HIP1: variants seen among roughly 807,000 people sequenced by gnomAD.
HIP1 encodes huntingtin interacting protein 1.
Under a neutral mutation model 147.6 loss-of-function variants are expected in HIP1, and 65 were observed. That is an observed-to-expected ratio of 0.44 (90% CI 0.36 to 0.54). The LOEUF is 0.54. Among genes scored for constraint, HIP1 ranks in the 20% least tolerant of loss-of-function variants. The probability of loss-of-function intolerance (pLI) is 0.00; values close to 1 mark genes in which losing one functional copy is unlikely to be tolerated. For synonymous variants in HIP1, 479 were observed against 504.0 expected (o/e 0.95, Z 0.67); for missense variants, 1,061 against 1,299.6 (o/e 0.82, Z 2.82).
intron 1 of HIP1, among the ~76,000 whole-genome samples, chr7:75,665,154 C>T (rs1554514487): frequency 6.6e-6 from 1 of 151,930 alleles, no homozygotes; most frequent in African/African-American, 2.4e-5. Flanking sequence ...CCCAGCTAGT[C>T]AGGGGGTTGA....
At chr7:75,686,344 G>T (rs1285385177) in intron 1 of HIP1, among the ~76,000 whole-genome samples, 1 of 151,434 alleles carries the variant, frequency 6.6e-6, no homozygotes, top group Admixed American at 6.6e-5. Context: ...TATTTTTTTT[G>T]AAAAGTTTAA....
intron 1 of HIP1, among the ~76,000 whole-genome samples, chr7:75,696,446 T>A (rs1800635700): frequency 6.6e-6 from 1 of 151,984 alleles, no homozygotes. Flanking sequence ...TCTGCTACTT[T>A]AGCTAAAGCC....
chr7:75,544,835 G>T (rs782490010), intron 26 of HIP1, 35 bp from the exon 27 acceptor site: 71 of 1,332,500 alleles, frequency 5.3e-5, no homozygotes, highest in Non-Finnish European at 7.7e-5. Flanking sequence ...TAGGTTACGG[G>T]CAAATGAGCT....
At chr7:75,709,885 G>A (rs1235893134) in intron 1 of HIP1, among the ~76,000 whole-genome samples, 2 of 151,622 alleles carry the variant, frequency 1.3e-5, no homozygotes, top group African/African-American at 4.8e-5. Context: ...GTGTTTTTTT[G>A]TTTCTTTGTT....
At chr7:75,643,633 A>G (rs1331928795) in intron 1 of HIP1, among the ~76,000 whole-genome samples, 2 of 152,228 alleles carry the variant, frequency 1.3e-5, no homozygotes, top group African/African-American at 2.4e-5. Flanking sequence ...CTTTGCCTAC[A>G]GTGTTTTAAT....
intron 1 of HIP1, chr7:75,639,140 G>A (rs1798551654): frequency 1.0e-6 from 1 of 984,042 alleles, no homozygotes; most frequent in South Asian, 4.7e-5. Context: ...GGCTAATCGC[G>A]CCCCGAGGGT....
intron 1 of HIP1, among the ~76,000 whole-genome samples, chr7:75,602,750 T>C (rs1356352975): frequency 6.6e-6 from 1 of 151,866 alleles, no homozygotes; most frequent in African/African-American, 2.4e-5. Flanking sequence ...ATAACCTCTG[T>C]TGTAAGTTGA....
At chr7:75,690,428 C>G (rs782508424) in intron 1 of HIP1, among the ~76,000 whole-genome samples, 3 of 152,178 alleles carry the variant, frequency 2.0e-5, no homozygotes, top group Non-Finnish European at 4.4e-5. Flanking sequence ...CCATTTCACA[C>G]TCACTAGGAT....
intron 23 of HIP1, among the ~76,000 whole-genome samples, chr7:75,548,580 A>G (rs966442365): frequency 2.0e-5 from 3 of 151,966 alleles, no homozygotes; most frequent in African/African-American, 7.2e-5. Context: ...CCTGGGCTCA[A>G]GTGATCCTCC....
intron 30 of HIP1, among the ~76,000 whole-genome samples, chr7:75,538,635 C>T (rs1028492030): frequency 7.7e-5 from 11 of 142,566 alleles, no homozygotes; most frequent in East Asian, 4.1e-4. Context: ...AGTGCAGTGG[C>T]GCGATCTCGG....
intron 1 of HIP1, among the ~76,000 whole-genome samples, chr7:75,616,860 G>A (rs1285104616): frequency 6.6e-6 from 1 of 152,168 alleles, no homozygotes; most frequent in Non-Finnish European, 1.5e-5. Flanking sequence ...GTCAGGCACA[G>A]TGATTGATCT....
intron 7 of HIP1, among the ~76,000 whole-genome samples, chr7:75,575,899 G>A (rs1002475732): frequency 1.3e-5 from 2 of 151,672 alleles, no homozygotes; most frequent in Non-Finnish European, 2.9e-5. Context: ...TGGTAACTGG[G>A]TTAGTCTGGC....
intron 5 of HIP1, among the ~76,000 whole-genome samples, chr7:75,583,759 TGTGTGTG>T (rs2116932769): frequency 3.2e-5 from 1 of 31,010 alleles, no homozygotes; most frequent in Non-Finnish European, 8.5e-5. Context: ...GGCTAATTTG[TGTGTGTG>T]TGTGTGTGTG....
At chr7:75,593,175 C>T (rs587740926) in intron 2 of HIP1, among the ~76,000 whole-genome samples, 1 of 152,184 alleles carries the variant, frequency 6.6e-6, no homozygotes, top group African/African-American at 2.4e-5. Context: ...TGCTATGTTG[C>T]CCAGGCTGGT....
intron 1 of HIP1, among the ~76,000 whole-genome samples, chr7:75,697,838 A>G (rs538100931): frequency 3.3e-4 from 51 of 152,320 alleles, no homozygotes; most frequent in Middle Eastern, 3.4e-3. Context: ...AAAGTTTCAA[A>G]AAGAATCCTA....
At chr7:75,710,078 T>C (rs1053351937) in intron 1 of HIP1, among the ~76,000 whole-genome samples, 3 of 152,060 alleles carry the variant, frequency 2.0e-5, no homozygotes, top group African/African-American at 7.2e-5. Context: ...CTTTATTTTT[T>C]GTAGAGATGG....
At chr7:75,585,376 A>T (rs367932553) in intron 5 of HIP1, among the ~76,000 whole-genome samples, 15 of 151,892 alleles carry the variant, frequency 9.9e-5, no homozygotes, top group Admixed American at 7.2e-4. Flanking sequence ...GAGTTTTGCC[A>T]TGTTGGCCAG....
intron 1 of HIP1, among the ~76,000 whole-genome samples, chr7:75,613,853 C>T (rs1450999736): frequency 4.6e-5 from 7 of 151,412 alleles, no homozygotes; most frequent in African/African-American, 1.5e-4. Context: ...GCCTCCCAGG[C>T]AGCTGAGACG....
chr7:75,558,095 C>A lies in HIP1; in HGVS notation c.1464+72G>T, dbSNP rs1457978760. On this transcript the variant is annotated intron_variant, in intron 15 of 30. Transcript: ENST00000336926. Reference sequence around the variant, plus strand: ...GTAGGGGTTGCTGGCCCCGGGGAAGCCACAGGCCTGAGCCGCTCTCTCCCT... The same window carrying A: ...GTAGGGGTTGCTGGCCCCGGGGAAGACACAGGCCTGAGCCGCTCTCTCCCT... 3.0e-5 allele frequency: 39 copies of A among 1,288,900 alleles called. No homozygotes were observed. The East Asian group carries it at 9.0e-4, about 30-fold the overall frequency. The allele number at this position is 1,288,900 out of a possible 1,614,324, so 79.8% of individuals were successfully genotyped here. A position where few individuals can be genotyped will look rare whatever the true frequency, so the allele number is the denominator to read the frequency against.
Sources: allele counts gnomAD v4.1 joint callset (sites outside exome capture counted in the v4.1 genomes callset), GRCh38; gene constraint gnomAD v4.1.1; transcripts MANE v1.5; gene names NCBI Gene and HGNC (gene_info 2026-07-23, HGNC 2026-07-21).